The following PFKFB3 variants were observed in gnomAD, a reference collection of about 807,000 sequenced individuals.
The protein encoded by PFKFB3 is 6-phosphofructo-2-kinase/fructose-2,6-biphosphatase 3.
Under a neutral mutation model 68.0 loss-of-function variants are expected in PFKFB3, and 33 were observed. That is an observed-to-expected ratio of 0.49 (90% CI 0.37 to 0.65). The LOEUF is 0.65. PFKFB3 is among the 30% of genes least tolerant of loss of function. The pLI, the probability that PFKFB3 is intolerant of heterozygous loss-of-function variation, is 0.00. For missense variants in PFKFB3, 586 were observed against 712.2 expected, an observed-to-expected ratio of 0.82 and a Z score of 2.02; for synonymous variants, 315 against 288.2, an observed-to-expected ratio of 1.09 and a Z score of -0.94.
chr10:6,203,339 G>C lies in PFKFB3; in HGVS notation c.76+3G>C, dbSNP rs1454963750. 1.2e-6 allele frequency: 2 copies of C among 1,600,622 alleles called. No homozygotes were observed. Among genetic ancestry groups the C allele is most frequent in the Non-Finnish European group, 1.7e-6 (2 of 1,174,036 alleles). ...CCACAGGCCCTCGTTGCCCAGATGT[G>C]AGTGCAGCTGCGCGGAGCCGGGTTG... On this transcript the variant is annotated splice_donor_region_variant and intron_variant, in intron 1 of 14. Transcript: ENST00000379775.
At chr10:6,185,385 T>C (rs76153316) in intron 1 of PFKFB3, among the ~76,000 whole-genome samples, 175 of 152,362 alleles carry the variant, frequency 1.1e-3, no homozygotes, top group Non-Finnish European at 1.8e-3. Context: ...CATTGATAAC[T>C]TCACATGAGG....
the PFKFB3 span, among the ~76,000 whole-genome samples, chr10:6,281,384 GA>G: frequency 6.6e-6 from 1 of 151,804 alleles, no homozygotes; most frequent in Non-Finnish European, 1.5e-5. Context: ...AGGGCATACA[GA>G]AACGGCTCCA....
the PFKFB3 span, among the ~76,000 whole-genome samples, chr10:6,292,718 C>T: frequency 6.6e-6 from 1 of 151,572 alleles, no homozygotes; most frequent in East Asian, 1.9e-4. Context: ...TCCCATAGAA[C>T]TAAAGTAACA....
intron 1 of PFKFB3, among the ~76,000 whole-genome samples, chr10:6,157,137 C>T (rs763572568): frequency 2.5e-4 from 38 of 151,730 alleles, no homozygotes; most frequent in Non-Finnish European, 4.9e-4. Context: ...AGCAATTCTG[C>T]CAGGCTTATT....
the PFKFB3 span, among the ~76,000 whole-genome samples, chr10:6,270,041 A>G: frequency 6.6e-6 from 1 of 152,124 alleles, no homozygotes. Context: ...CTGAGGCAGG[A>G]GAATTGCTTG....
upstream of PFKFB3, among the ~76,000 whole-genome samples, chr10:6,201,532 C>A (rs1415633496): frequency 1.4e-5 from 2 of 139,922 alleles, no homozygotes; most frequent in Non-Finnish European, 3.1e-5. This position sits in a 1 kb window ranked among gnomAD's most constrained non-coding sequence, Gnocchi z 4.1. Flanking sequence ...CGGGGCCCCT[C>A]GGCAGGCGGC....
intron 1 of PFKFB3, among the ~76,000 whole-genome samples, chr10:6,163,223 C>T (rs185131837): frequency 1.3e-5 from 2 of 152,270 alleles, no homozygotes; most frequent in Admixed American, 1.3e-4. Flanking sequence ...GAGGTGGGGG[C>T]CAAGACCAAG....
At chr10:6,237,194 G>A (rs1455918472), downstream of PFKFB3, among the ~76,000 whole-genome samples, 2 of 152,226 alleles carry the variant, frequency 1.3e-5, no homozygotes, top group Admixed American at 1.3e-4. Context: ...AAGGCCTCCC[G>A]TCTCCCGAGT....
intron 1 of PFKFB3, among the ~76,000 whole-genome samples, chr10:6,210,529 T>C (rs1414335318): frequency 9.3e-6 from 1 of 107,310 alleles, no homozygotes; most frequent in African/African-American, 2.8e-5. Flanking sequence ...GCCGGCTAAT[T>C]TTTTGTGTTT....
downstream of PFKFB3, among the ~76,000 whole-genome samples, chr10:6,259,310 A>C (rs1189236301): frequency 1.3e-5 from 2 of 148,920 alleles, no homozygotes; most frequent in African/African-American, 5.0e-5. Flanking sequence ...TCATCCATCC[A>C]CCCAACCATC....
At chr10:6,249,121 C>G (rs1846321147) in intron 14 of PFKFB3, among the ~76,000 whole-genome samples, 1 of 142,622 alleles carries the variant, frequency 7.0e-6, no homozygotes, top group Admixed American at 7.5e-5. Context: ...TTGCGGTGAG[C>G]TGAGATTGCG....
At chr10:6,147,910 G>C (rs1009793543) in intron 1 of PFKFB3, among the ~76,000 whole-genome samples, 1 of 151,630 alleles carries the variant, frequency 6.6e-6, no homozygotes, top group African/African-American at 2.4e-5. Flanking sequence ...TTGGAGGAGA[G>C]AGGGTCTTCA....
At chr10:6,275,730 T>G in the PFKFB3 span, among the ~76,000 whole-genome samples, 20 of 152,204 alleles carry the variant, frequency 1.3e-4, no homozygotes, top group Non-Finnish European at 2.4e-4. The surrounding 1 kb of genome is among the most constrained non-coding windows in gnomAD (Gnocchi z 4.9). Flanking sequence ...TTCTCCTGCC[T>G]CAGCCTCCTG....
chr10:6,258,851 C>A (rs946833103), downstream of PFKFB3, among the ~76,000 whole-genome samples: 9 of 152,160 alleles, frequency 5.9e-5, no homozygotes, highest in African/African-American at 7.2e-5. Context: ...TAATTCTTTC[C>A]CCTGGTCAGT....
the PFKFB3 span, among the ~76,000 whole-genome samples, chr10:6,299,951 A>G: frequency 9.4e-5 from 12 of 128,288 alleles, no homozygotes; most frequent in Admixed American, 9.1e-4. Context: ...AGCCTAGTGC[A>G]GTGCCTGTTC....
chr10:6,288,034 T>C, the PFKFB3 span, among the ~76,000 whole-genome samples: 75,366 of 151,828 alleles, frequency 0.5, 21,281 homozygotes, highest in Non-Finnish European at 0.65. Context: ...ATAATTTCAC[T>C]GGGTACAATA....
chr10:6,311,123 G>A, the PFKFB3 span, among the ~76,000 whole-genome samples: 384 of 152,292 alleles, frequency 2.5e-3, 9 homozygotes, highest in East Asian at 0.057. Flanking sequence ...GAACTGAAGC[G>A]CACGCTTTGT....
the PFKFB3 span, among the ~76,000 whole-genome samples, chr10:6,261,508 G>T: frequency 6.6e-6 from 1 of 152,216 alleles, no homozygotes; most frequent in East Asian, 1.9e-4. Context: ...GCAGGGAACT[G>T]CAGACACTGG....
At chr10:6,187,386 C>T (rs1472194817) in intron 1 of PFKFB3, among the ~76,000 whole-genome samples, 1 of 151,938 alleles carries the variant, frequency 6.6e-6, no homozygotes, top group Non-Finnish European at 1.5e-5. Flanking sequence ...AAGGCAAGGG[C>T]CTTTTTGTCC....
Sources: gnomAD v4.1 joint callset for allele counts (sites outside exome capture counted in the v4.1 genomes callset) on GRCh38, gnomAD v4.1.1 for gene constraint, Gnocchi (gnomAD v3.1) non-coding constraint, MANE v1.5 for transcripts, NCBI Gene and HGNC (gene_info 2026-07-23, HGNC 2026-07-21) for gene names.